TSPEAR: variants seen among roughly 807,000 people sequenced by gnomAD.
The protein encoded by TSPEAR is thrombospondin-type laminin G domain and EAR repeat-containing protein.
TSPEAR carries 69 observed loss-of-function variants against 71.6 expected under a neutral mutation model. The ratio of observed to expected loss-of-function variants is 0.96; its 90% CI spans 0.79 to 1.18. The LOEUF (loss-of-function observed/expected upper bound fraction) is 1.18, where lower values mean the gene tolerates loss of function less well. TSPEAR is among the 50% of genes most tolerant of loss of function. The pLI is 0.00. For missense variants in TSPEAR, 971 were observed against 894.9 expected (o/e 1.09, Z -1.09); for synonymous variants, 402 against 387.2 (o/e 1.04, Z -0.45).
intron 1 of TSPEAR, among the ~76,000 whole-genome samples, chr21:44,598,353 G>A (rs587734154): frequency 9.8e-5 from 15 of 152,334 alleles, no homozygotes; most frequent in African/African-American, 3.6e-4. Flanking sequence ...GATCACGTTA[G>A]GAATAAAAAC....
chr21:44,561,992 A>G (rs1555921108), intron 2 of TSPEAR, among the ~76,000 whole-genome samples: 2 of 152,218 alleles, frequency 1.3e-5, no homozygotes, highest in Non-Finnish European at 2.9e-5. Context: ...GCAATCAGGC[A>G]ATAGAAAGAA....
Position 44,638,198 on chromosome 21 carries a change from C to T in TSPEAR, c.83-70193G>A. The T allele has an allele frequency of 3.2e-6, 5 of 1,584,216 alleles. No individual in the cohort carries two copies. The South Asian group carries it at 3.5e-5, about 11-fold the overall frequency. On this transcript the variant is annotated intron_variant, in intron 1 of 11. Transcript: ENST00000323084. ...ACAGCCCTGGATGTGATCCGGAGTC[C>T]CTTCCCACCAGGGGCTGACCTCCCA...
At chr21:44,674,304 A>G (rs1409262474) in intron 1 of TSPEAR, among the ~76,000 whole-genome samples, 2 of 147,776 alleles carry the variant, frequency 1.4e-5, no homozygotes, top group African/African-American at 4.9e-5. Context: ...GTCTTTTAAA[A>G]AGATAAAAAA....
chr21:44,539,358 G>T (rs781825308), intron 2 of TSPEAR: 2 of 1,612,634 alleles, frequency 1.2e-6, no homozygotes, highest in East Asian at 2.2e-5. Flanking sequence ...CAGGAGGCCG[G>T]GCGGCAGCAG....
intron 1 of TSPEAR, among the ~76,000 whole-genome samples, chr21:44,664,373 G>A (rs1483743837): frequency 1.3e-5 from 2 of 152,022 alleles, no homozygotes; most frequent in South Asian, 4.2e-4. Flanking sequence ...TAAATTCTGG[G>A]GGAAATATAT....
At chr21:44,651,522 C>T (rs1201368063) in intron 1 of TSPEAR, among the ~76,000 whole-genome samples, 1 of 152,148 alleles carries the variant, frequency 6.6e-6, no homozygotes, top group Admixed American at 6.6e-5. Context: ...TCATCTCTTT[C>T]AGCTTCTGGA....
chr21:44,682,696 T>C (rs1601561914), intron 1 of TSPEAR, among the ~76,000 whole-genome samples: 2 of 152,202 alleles, frequency 1.3e-5, no homozygotes, highest in African/African-American at 4.8e-5. Context: ...AGAAGAAACT[T>C]AGGAGATAAA....
At chr21:44,618,960 T>G (rs1254100408) in intron 1 of TSPEAR, among the ~76,000 whole-genome samples, 1 of 152,144 alleles carries the variant, frequency 6.6e-6, no homozygotes, top group Non-Finnish European at 1.5e-5. Flanking sequence ...TTCCACATAT[T>G]TTTAGAGTCC....
At chr21:44,693,795 A>G (rs142346586) in intron 1 of TSPEAR, among the ~76,000 whole-genome samples, 2 of 152,330 alleles carry the variant, frequency 1.3e-5, no homozygotes, top group South Asian at 2.1e-4. Context: ...GAATTACCAC[A>G]TGACTCAGGA....
At position 44,612,185 on chromosome 21, in the gene TSPEAR, C is replaced by T. The variant is rs150118465; in HGVS notation, c.83-44180G>A. The T allele has an allele frequency of 3.6e-5, 58 of 1,613,890 alleles. No individual in the cohort carries two copies. In the African/African-American group the frequency reaches 4.8e-4, roughly 13 times the overall value. ...CTCCAGTGACGTGGGCCATGTCAGC[C>T]GAGTCTCCTCCCCCAGCACCTGCAC... On this transcript the variant is annotated intron_variant, in intron 1 of 11. Transcript: ENST00000323084. This position sits in a 1 kb window ranked among gnomAD's most constrained non-coding sequence, Gnocchi z 4.1.
rs1555931102 is a variant in TSPEAR, at chr21:44,612,173, G to A, written c.83-44168C>T. 6.2e-7 allele frequency: 1 copy of A among 1,614,040 alleles called. No individual in the cohort carries two copies. Among genetic ancestry groups the A allele is most frequent in the Non-Finnish European group, 8.5e-7 (1 of 1,180,000 alleles). On this transcript the variant is annotated intron_variant, in intron 1 of 11. Coordinates refer to ENST00000323084, the MANE Select transcript of TSPEAR (RefSeq NM_144991.3). This position sits in a 1 kb window ranked among gnomAD's most constrained non-coding sequence, Gnocchi z 4.1. ...CATGTCTGTCTGCTCCAGTGACGTG[G>A]GCCATGTCAGCCGAGTCTCCTCCCC...
At position 44,526,346 on chromosome 21, in the gene TSPEAR, T is replaced by TGGAG. The variant is rs773295028; in HGVS notation, c.1150-511_1150-508dup. 8.1e-4 allele frequency among the ~76,000 whole-genome samples: 124 copies of TGGAG among 152,322 alleles called. 1 individual carries two copies. The highest frequency in any genetic ancestry group is 1.2e-3 in the Non-Finnish European group (82 of 68,030). On this transcript the variant is annotated intron_variant, in intron 7 of 11. Coordinates refer to ENST00000323084, the MANE Select transcript of TSPEAR (RefSeq NM_144991.3). ...GTGCATGGTTCATGGACGATGTGCT[T>TGGAG]GGAGGCAAGGACGCCACATGAACCT...
At chr21:44,500,024 C>T in intron 11 of TSPEAR, 88 bp from the exon 12 acceptor site, 2 of 1,394,314 alleles carry the variant, frequency 1.4e-6, no homozygotes, top group Non-Finnish European at 1.9e-6. Context: ...GTCAGGGACC[C>T]AGCAGCTCTG....
intron 1 of TSPEAR, among the ~76,000 whole-genome samples, chr21:44,585,666 T>C (rs1979289248): frequency 6.6e-6 from 1 of 152,196 alleles, no homozygotes; most frequent in Admixed American, 6.5e-5. Flanking sequence ...TGCCATTGAA[T>C]TCCATATGTT....
At chr21:44,639,663 C>T (rs1165758669) in intron 1 of TSPEAR, among the ~76,000 whole-genome samples, 4 of 152,240 alleles carry the variant, frequency 2.6e-5, no homozygotes, top group African/African-American at 7.2e-5. Context: ...CATCCTAGGT[C>T]TCCGGGGCCA....
intron 1 of TSPEAR, among the ~76,000 whole-genome samples, chr21:44,599,074 C>T (rs1555927967): frequency 6.6e-6 from 1 of 151,178 alleles, no homozygotes; most frequent in Non-Finnish European, 1.5e-5. Flanking sequence ...AAGTTGTTCT[C>T]AGCAGGAGTA....
intron 1 of TSPEAR, among the ~76,000 whole-genome samples, chr21:44,685,409 C>T (rs1311953134): frequency 8.5e-5 from 13 of 152,192 alleles, no homozygotes; most frequent in Admixed American, 2.6e-4. Flanking sequence ...TGGAATTTCA[C>T]ACCAGCTCCT....
intron 2 of TSPEAR, among the ~76,000 whole-genome samples, chr21:44,557,075 C>G (rs1386672052): frequency 1.3e-5 from 2 of 152,184 alleles, no homozygotes; most frequent in Non-Finnish European, 2.9e-5. Context: ...AATTATGAAA[C>G]AGCAGTGGCC....
chr21:44,597,372 G>A (rs10211918), intron 1 of TSPEAR, among the ~76,000 whole-genome samples: 8,650 of 149,564 alleles, frequency 0.058, 692 homozygotes, highest in African/African-American at 0.17. Flanking sequence ...TTTGTGTGGT[G>A]TATTTTCTTC....
Sources: allele counts gnomAD v4.1 joint callset (sites outside exome capture counted in the v4.1 genomes callset), GRCh38; gene constraint gnomAD v4.1.1; non-coding constraint Gnocchi (gnomAD v3.1); transcripts MANE v1.5; gene names NCBI Gene and HGNC (gene_info 2026-07-23, HGNC 2026-07-21).